HERC2: variants seen among roughly 807,000 people sequenced by gnomAD.
HERC2 encodes E3 ubiquitin-protein ligase HERC2.
HERC2 carries 102 observed loss-of-function variants against 537.7 expected under a neutral mutation model. The ratio of observed to expected loss-of-function variants is 0.19; its 90% CI spans 0.16 to 0.22. The LOEUF (loss-of-function observed/expected upper bound fraction) is 0.22, where lower values mean the gene tolerates loss of function less well. HERC2 is among the 10% of genes least tolerant of loss of function. HERC2 has a pLI of 1.00. For missense variants in HERC2, 4,236 were observed against 6,198.2 expected (o/e 0.68, Z 10.63); for synonymous variants, 2,224 against 2,466.2 (o/e 0.90, Z 2.91).
intron 31 of HERC2, among the ~76,000 whole-genome samples, 184 bp from the exon 32 acceptor site, chr15:28,230,031 T>C (rs1368310365): frequency 6.6e-6 from 1 of 152,240 alleles, no homozygotes; most frequent in Non-Finnish European, 1.5e-5. Flanking sequence ...TCTATACTAA[T>C]ATATGTTGGA....
chr15:28,284,364 A>G lies in HERC2; in HGVS notation c.323-4077T>C, dbSNP rs1371068619. 3.3e-5 allele frequency among the ~76,000 whole-genome samples: 5 copies of G among 152,184 alleles called. No individual in the cohort carries two copies. The East Asian group carries it at 9.6e-4, about 29-fold the overall frequency. On this transcript the variant is annotated intron_variant, in intron 4 of 92. Coordinates refer to ENST00000261609, the MANE Select transcript of HERC2 (RefSeq NM_004667.6). Reference sequence around the variant, plus strand: ...GAAAAACAGAAGAAATAGAAAATACAAAACAAAATGGCAGTGTTAAGCCTC... The same window carrying G: ...GAAAAACAGAAGAAATAGAAAATACGAAACAAAATGGCAGTGTTAAGCCTC...
At chr15:28,188,310 A>C (rs1221508091) in intron 55 of HERC2, among the ~76,000 whole-genome samples, 1 of 152,194 alleles carries the variant, frequency 6.6e-6, no homozygotes, top group African/African-American at 2.4e-5. Context: ...TGGGAGGCCG[A>C]GGCAGGTGGA....
intron 17 of HERC2, 84 bp downstream of exon 17, chr15:28,256,977 C>T (rs1359121256): frequency 2.6e-6 from 3 of 1,149,352 alleles, no homozygotes; most frequent in Admixed American, 4.0e-5. Context: ...AGGCTAAAAC[C>T]CATGCCCTTC....
In HERC2 at chr15:28,228,414, T is replaced by C; in HGVS notation, c.5273-5A>G. Reference sequence around the variant, plus strand: ...GCAGGGGAACCGGCTGGATACCTAATGAGCATTGGCACCTACTGACATTTC... The same window carrying C: ...GCAGGGGAACCGGCTGGATACCTAACGAGCATTGGCACCTACTGACATTTC... On this transcript the variant is annotated splice_region_variant and splice_polypyrimidine_tract_variant and intron_variant, in intron 34 of 92. Transcript: ENST00000261609. 2 of 1,611,850 alleles carry C rather than the reference T, an allele frequency of 1.2e-6. No individual in the cohort carries two copies. Among genetic ancestry groups the C allele is most frequent in the South Asian group, 1.1e-5 (1 of 90,976 alleles).
rs1371413210 is a variant in HERC2 at position 28,121,283 on chromosome 15, A to G, written c.13272+63T>C. On this transcript the variant is annotated intron_variant, in intron 86 of 92. Transcript: ENST00000261609. Reference sequence around the variant, plus strand: ...GCTACCAGCGCTCTCGTCCCAGCCCAGGTACCCACGAAAGCATCACTTCTA... The same window carrying G: ...GCTACCAGCGCTCTCGTCCCAGCCCGGGTACCCACGAAAGCATCACTTCTA... The G allele has an allele frequency of 2.8e-6, 4 of 1,440,186 alleles. No individual in the cohort carries two copies. The East Asian group carries it at 6.8e-5, about 25-fold the overall frequency. 89.2% of individuals were successfully genotyped at this position (1,440,186 alleles called of 1,614,324 possible). A position where few individuals can be genotyped will look rare whatever the true frequency, so the allele number is the denominator to read the frequency against.
rs1331876805 is a variant in HERC2, at chr15:28,144,816, A to G, written c.11009-12T>C. 17 of 1,613,944 alleles carry G rather than the reference A, an allele frequency of 1.1e-5. No individual in the cohort carries two copies. The highest frequency in any genetic ancestry group is 1.4e-5 in the Non-Finnish European group (17 of 1,180,030). On this transcript the variant is annotated splice_polypyrimidine_tract_variant and intron_variant, in intron 71 of 92. Transcript: ENST00000261609. ...GGACCACTCTCGGCCTGCGGGAGGAAAGCGCACCCCGGGGTTAGCTTCACT... is the reference window on the plus strand; with the variant it reads ...GGACCACTCTCGGCCTGCGGGAGGAGAGCGCACCCCGGGGTTAGCTTCACT...
chr15:28,133,585 C>T (rs1596014305), intron 79 of HERC2, among the ~76,000 whole-genome samples: 1 of 152,338 alleles, frequency 6.6e-6, no homozygotes. Context: ...TTACATTCTA[C>T]ATTCATGACT....
rs1409055276 is a variant in HERC2 at position 28,113,643 on chromosome 15, C to T, written c.13949G>A (p.Arg4650Gln). Residue 4650 changes from arginine (R) to glutamine (Q), a missense_variant, in exon 91 of 93, where the codon CGG (arginine) becomes CAG (glutamine). Coordinates refer to ENST00000261609, the MANE Select transcript of HERC2 (RefSeq NM_004667.6). This position sits in a 1 kb window ranked among gnomAD's most constrained non-coding sequence, Gnocchi z 7.0. ...HEFDEQVAAV[R>Q]EGMARVVPVP... ...AGGCACAACGCGGGCCATTCCTTCC[C>T]GAACAGCAGCCACCTGCTCATCAAA... is the stretch of plus-strand genomic sequence containing the variant. 3.1e-6 allele frequency: 5 copies of T among 1,614,138 alleles called. No homozygotes were observed. The highest frequency in any genetic ancestry group is 1.1e-5 in the South Asian group (1 of 91,084).
chr15:28,247,679 T>C (rs1004901884), intron 21 of HERC2, among the ~76,000 whole-genome samples: 11 of 152,024 alleles, frequency 7.2e-5, no homozygotes, highest in African/African-American at 2.7e-4. Context: ...CCGCCCACCT[T>C]GGCCTCCCAA....
In HERC2 at chr15:28,169,798, T is replaced by G; in HGVS notation, c.10058-143A>C. The G allele has an allele frequency of 4.3e-6, 3 of 689,882 alleles. No homozygotes were observed. The South Asian group carries it at 6.5e-5, about 15-fold the overall frequency. 42.7% of individuals were successfully genotyped at this position (689,882 alleles called of 1,614,324 possible). ...ACAAAGCACCTATCAGGCTCATTAA[T>G]AGGCCTTCAAAATAAGAAAACCACT... On this transcript the variant is annotated intron_variant, in intron 65 of 92. Coordinates refer to ENST00000261609, the MANE Select transcript of HERC2 (RefSeq NM_004667.6).
At chr15:28,217,063 C>T (rs1899994798) in intron 38 of HERC2, among the ~76,000 whole-genome samples, 1 of 152,162 alleles carries the variant, frequency 6.6e-6, no homozygotes, top group African/African-American at 2.4e-5. Flanking sequence ...ACAAGGCACT[C>T]ATACACATTT....
intron 56 of HERC2, 39 bp downstream of exon 56, chr15:28,186,538 G>C: frequency 6.4e-7 from 1 of 1,551,132 alleles, no homozygotes; most frequent in Non-Finnish European, 8.9e-7. Context: ...CAGGAATGTA[G>C]CGGGAGGTAA....
At chr15:28,211,906 C>T (rs1316000861) in intron 43 of HERC2, among the ~76,000 whole-genome samples, 2 of 152,162 alleles carry the variant, frequency 1.3e-5, no homozygotes, top group Non-Finnish European at 2.9e-5. Context: ...ACACAGACTT[C>T]CAGGACATAA....
chr15:28,309,072 C>T (rs2076869958), intron 2 of HERC2, among the ~76,000 whole-genome samples: 1 of 152,188 alleles, frequency 6.6e-6, no homozygotes, highest in Admixed American at 6.5e-5. Flanking sequence ...TATTTTGTGG[C>T]CTAACATACG....
At position 28,198,509 on chromosome 15, in the gene HERC2, G is replaced by C; in HGVS notation, c.7886-6C>G. The C allele has an allele frequency of 6.2e-7, 1 of 1,613,162 alleles. No individual in the cohort carries two copies. Among genetic ancestry groups the C allele is most frequent in the South Asian group, 1.1e-5 (1 of 90,728 alleles). On this transcript the variant is annotated splice_region_variant and splice_polypyrimidine_tract_variant and intron_variant, in intron 49 of 92. Transcript: ENST00000261609. ...AGAACTTGGTGGAGGATAGCCTACA[G>C]ATGTCAATAACAAATCATTATAATC...
intron 55 of HERC2, chr15:28,190,756 A>T (rs1896782411): frequency 3.4e-6 from 2 of 580,908 alleles, no homozygotes; most frequent in Admixed American, 3.2e-5. Flanking sequence ...AGTGAGAATG[A>T]AATTTGTTTC....
At chr15:28,137,979 T>C (rs1042669886) in intron 78 of HERC2, among the ~76,000 whole-genome samples, 1 of 152,226 alleles carries the variant, frequency 6.6e-6, no homozygotes, top group Non-Finnish European at 1.5e-5. Context: ...ATTGCTGATA[T>C]AGAGAATGTT....
At chr15:28,276,422 C>T (rs949670965) in intron 5 of HERC2, among the ~76,000 whole-genome samples, 1 of 152,014 alleles carries the variant, frequency 6.6e-6, no homozygotes, top group Non-Finnish European at 1.5e-5. Flanking sequence ...ATGAGAAATA[C>T]GAACATGACA....
intron 23 of HERC2, among the ~76,000 whole-genome samples, chr15:28,243,357 C>G (rs76978789): frequency 2.0e-5 from 3 of 152,052 alleles, no homozygotes; most frequent in Non-Finnish European, 4.4e-5. Context: ...TCTTAAGGCC[C>G]AAAATGAACA....
Sources: allele counts gnomAD v4.1 joint callset (sites outside exome capture counted in the v4.1 genomes callset), GRCh38; gene constraint gnomAD v4.1.1; non-coding constraint Gnocchi (gnomAD v3.1); transcripts MANE v1.5; gene names NCBI Gene and HGNC (gene_info 2026-07-23, HGNC 2026-07-21).